DENND5B: variants seen among roughly 807,000 people sequenced by gnomAD.
The protein encoded by DENND5B is DENN domain containing 5B.
DENND5B carries 34 observed loss-of-function variants against 140.6 expected under a neutral mutation model. That is an observed-to-expected ratio of 0.24 (90% CI 0.18 to 0.32). The LOEUF is 0.32. Ranked by LOEUF, DENND5B falls within the 10% of genes least tolerant of loss-of-function variation. DENND5B has a pLI of 1.00. For synonymous variants in DENND5B, 551 were observed against 562.1 expected (o/e 0.98, Z 0.28); for missense variants, 1,142 against 1,560.2 (o/e 0.73, Z 4.52).
intron 3 of DENND5B, among the ~76,000 whole-genome samples, chr12:31,463,270 A>AAAAC (rs947678363): frequency 7.2e-6 from 1 of 139,048 alleles, no homozygotes. Context: ...AAAAAAACAA[A>AAAAC]AAACAAACAA....
chr12:31,450,098 T>TA (rs1944448706), intron 5 of DENND5B, among the ~76,000 whole-genome samples: 3 of 152,216 alleles, frequency 2.0e-5, no homozygotes. Context: ...AAAAGGAACC[T>TA]AAGGGCATAC....
At chr12:31,554,184 T>A (rs944413337) in intron 1 of DENND5B, among the ~76,000 whole-genome samples, 1 of 152,212 alleles carries the variant, frequency 6.6e-6, no homozygotes, top group Non-Finnish European at 1.5e-5. Flanking sequence ...TTTGGCATGT[T>A]TTTGCAGTGG....
At chr12:31,485,067 C>T (rs1946243317) in intron 2 of DENND5B, among the ~76,000 whole-genome samples, 1 of 152,202 alleles carries the variant, frequency 6.6e-6, no homozygotes, top group South Asian at 2.1e-4. Context: ...TCCACTACAG[C>T]TTCCTGAATC....
intron 1 of DENND5B, 69 bp downstream of exon 1, chr12:31,590,637 T>C: frequency 7.3e-7 from 1 of 1,376,302 alleles, no homozygotes; most frequent in Admixed American, 3.6e-5. Context: ...GCACCCCGCC[T>C]CCCGCGCGTC....
At position 31,590,808 on chromosome 12, in the gene DENND5B, C is replaced by T. The variant is rs997870323; in HGVS notation, c.25G>A (p.Gly9Ser). The T allele has an allele frequency of 2.3e-6, 3 of 1,299,794 alleles. No homozygotes were observed. Among genetic ancestry groups the T allele is most frequent in the Non-Finnish European group, 1.9e-6 (2 of 1,026,836 alleles). The allele number at this position is 1,299,794 out of a possible 1,614,324, so 80.5% of individuals were successfully genotyped here. The change falls in exon 1 of 21, where the codon GGC becomes AGC. Residue 9 changes from glycine to serine, a missense_variant. Transcript: ENST00000389082. MSGSCAAP[G>S]PGSGSSPAAC... Reference sequence around the variant, plus strand: ...GCCGGGGAGGAGCCCGAGCCCGGGCCGGGCGCCGCGCAGCTCCCGCTCATC... The same window carrying T: ...GCCGGGGAGGAGCCCGAGCCCGGGCTGGGCGCCGCGCAGCTCCCGCTCATC...
intron 1 of DENND5B, among the ~76,000 whole-genome samples, chr12:31,501,987 A>G (rs554328592): frequency 2.5e-4 from 38 of 152,204 alleles, no homozygotes; most frequent in Non-Finnish European, 3.8e-4. Flanking sequence ...TTTAGAAATT[A>G]CATTCCAGTA....
chr12:31,452,525 G>T, intron 4 of DENND5B, 49 bp from the exon 5 acceptor site: 2 of 1,515,036 alleles, frequency 1.3e-6, no homozygotes, highest in Non-Finnish European at 8.8e-7. Context: ...GGAATTGTAT[G>T]TGCTAACATA....
chr12:31,392,712 C>T lies in DENND5B; in HGVS notation c.3257-16G>A, dbSNP rs577872211. On this transcript the variant is annotated splice_polypyrimidine_tract_variant and intron_variant, in intron 17 of 20. Transcript: ENST00000389082. ...GCATTGGGTTCTGTAAAATAATAAA[C>T]AGTGGCTGCATTCTCATGGGAGAGA... is the stretch of plus-strand genomic sequence containing the variant. 1.3e-6 allele frequency: 2 copies of T among 1,548,628 alleles called. No homozygotes were observed. Among genetic ancestry groups the T allele is most frequent in the East Asian group, 2.4e-5 (1 of 41,246 alleles).
chr12:31,590,579 A>G (rs1239044210), intron 1 of DENND5B, 127 bp downstream of exon 1: 3 of 1,170,382 alleles, frequency 2.6e-6, no homozygotes, highest in African/African-American at 1.6e-5. Flanking sequence ...CAGTTCGGCC[A>G]GAAAGCGGCG....
chr12:31,467,284 C>A (rs775153442), intron 3 of DENND5B, among the ~76,000 whole-genome samples: 24 of 152,048 alleles, frequency 1.6e-4, no homozygotes, highest in Non-Finnish European at 7.4e-5. Context: ...GAAGACTGAT[C>A]TCAAAAGAAA....
chr12:31,509,964 A>G (rs1054238867), intron 1 of DENND5B, among the ~76,000 whole-genome samples: 8 of 152,204 alleles, frequency 5.3e-5, no homozygotes, highest in Non-Finnish European at 1.2e-4. Flanking sequence ...CTTAGATGGC[A>G]TTTGAGGACC....
intron 1 of DENND5B, 100 bp from the exon 2 acceptor site, chr12:31,496,019 G>T: frequency 1.4e-6 from 1 of 713,000 alleles, no homozygotes; most frequent in African/African-American, 1.8e-5. Flanking sequence ...ATAATGTTGA[G>T]ATCTGATTCA....
At chr12:31,580,226 T>TA (rs916179733) in intron 1 of DENND5B, among the ~76,000 whole-genome samples, 10 of 151,298 alleles carry the variant, frequency 6.6e-5, no homozygotes, top group South Asian at 2.1e-4. Context: ...CATGTTTGCT[T>TA]AAAAAAAAAT....
chr12:31,426,870 G>A, intron 8 of DENND5B: 2 of 163,526 alleles, frequency 1.2e-5, no homozygotes, highest in Non-Finnish European at 2.7e-5. Context: ...CTAGCCTCCT[G>A]GGCAGTGCTC....
At chr12:31,436,383 G>A (rs1485014980) in intron 7 of DENND5B, among the ~76,000 whole-genome samples, 1 of 151,814 alleles carries the variant, frequency 6.6e-6, no homozygotes, top group African/African-American at 2.4e-5. Flanking sequence ...TTACAGGCAT[G>A]AGCTACCGTG....
chr12:31,417,646 A>G (rs1942818479), intron 11 of DENND5B, among the ~76,000 whole-genome samples: 1 of 152,044 alleles, frequency 6.6e-6, no homozygotes, highest in Non-Finnish European at 1.5e-5. Context: ...TTTGTCTCTT[A>G]TGTATGAAAG....
chr12:31,505,900 T>C (rs993067273), intron 1 of DENND5B, among the ~76,000 whole-genome samples: 4 of 152,164 alleles, frequency 2.6e-5, no homozygotes, highest in Admixed American at 2.0e-4. Flanking sequence ...AGTGGCACGA[T>C]CATGGCTTAC....
At chr12:31,467,390 TGAGGCA>T (rs1220407101) in intron 3 of DENND5B, among the ~76,000 whole-genome samples, 5 of 151,738 alleles carry the variant, frequency 3.3e-5, no homozygotes, top group Non-Finnish European at 5.9e-5. Context: ...TTTGGGAGGC[TGAGGCA>T]GAGGACTGCT....
intron 13 of DENND5B, among the ~76,000 whole-genome samples, chr12:31,411,238 A>G (rs1282083723): frequency 2.7e-5 from 4 of 149,962 alleles, no homozygotes; most frequent in Non-Finnish European, 5.9e-5. Context: ...GGGTTTCTCT[A>G]CGTTGGTCAG....
Sources: gnomAD v4.1 joint callset for allele counts (sites outside exome capture counted in the v4.1 genomes callset) on GRCh38, gnomAD v4.1.1 for gene constraint, MANE v1.5 for transcripts, NCBI Gene and HGNC (gene_info 2026-07-23, HGNC 2026-07-21) for gene names.